The following LMX1A variants were observed in gnomAD, a reference collection of about 807,000 sequenced individuals.
The protein encoded by LMX1A is LIM homeobox transcription factor 1-alpha.
LMX1A carries 15 observed loss-of-function variants against 49.1 expected under a neutral mutation model. The ratio of observed to expected loss-of-function variants is 0.31; its 90% CI spans 0.20 to 0.47. The LOEUF is 0.47. LMX1A is among the 20% of genes least tolerant of loss of function. The pLI, the probability that LMX1A is intolerant of heterozygous loss-of-function variation, is 1.00. For missense variants in LMX1A, 372 were observed against 475.8 expected (o/e 0.78, Z 2.03); for synonymous variants, 167 against 185.7 (o/e 0.90, Z 0.82).
At chr1:165,266,496 C>G (rs1005143091) in intron 3 of LMX1A, among the ~76,000 whole-genome samples, 1 of 151,586 alleles carries the variant, frequency 6.6e-6, no homozygotes, top group African/African-American at 2.4e-5. Context: ...CCTTGTAAAT[C>G]ACAGGGAGGA....
intron 3 of LMX1A, among the ~76,000 whole-genome samples, chr1:165,303,130 G>C (rs1654824903): frequency 6.6e-6 from 1 of 152,206 alleles, no homozygotes; most frequent in African/African-American, 2.4e-5. Context: ...TGAGGAGAAA[G>C]ATAATGTATA....
intron 6 of LMX1A, among the ~76,000 whole-genome samples, chr1:165,208,778 G>A (rs199889176): frequency 6.6e-6 from 1 of 151,958 alleles, no homozygotes; most frequent in Admixed American, 6.6e-5. Context: ...TCCCGAGTAG[G>A]TGGGACTACA....
intron 3 of LMX1A, among the ~76,000 whole-genome samples, chr1:165,255,940 T>C (rs1653220289): frequency 2.0e-5 from 3 of 151,378 alleles, no homozygotes; most frequent in Admixed American, 2.0e-4. Context: ...ACCATTGCAC[T>C]CCAGCCTGGC....
At chr1:165,353,375 C>G in intron 2 of LMX1A, 113 bp from the exon 3 acceptor site, 1 of 833,042 alleles carries the variant, frequency 1.2e-6, no homozygotes, top group African/African-American at 1.7e-5. Flanking sequence ...CCAGCGCCCC[C>G]CACCCCAGGG....
At chr1:165,230,592 T>A (rs1344963924) in intron 4 of LMX1A, among the ~76,000 whole-genome samples, 1 of 152,218 alleles carries the variant, frequency 6.6e-6, no homozygotes, top group Non-Finnish European at 1.5e-5. Flanking sequence ...AATCTCTACA[T>A]GAATGTGGAT....
chr1:165,266,925 T>TTCTC (rs911901759), intron 3 of LMX1A, among the ~76,000 whole-genome samples: 1 of 150,446 alleles, frequency 6.6e-6, no homozygotes, highest in Non-Finnish European at 1.5e-5. Flanking sequence ...CTTGCTTGCT[T>TTCTC]TCTCTCTCTC....
chr1:165,252,214 T>C (rs1432597836), intron 3 of LMX1A, among the ~76,000 whole-genome samples: 1 of 152,230 alleles, frequency 6.6e-6, no homozygotes, highest in Non-Finnish European at 1.5e-5. Flanking sequence ...TAAAAGTTGA[T>C]ATTATTTGAC....
At chr1:165,230,331 C>T (rs1330061432) in intron 4 of LMX1A, among the ~76,000 whole-genome samples, 1 of 152,168 alleles carries the variant, frequency 6.6e-6, no homozygotes, top group Non-Finnish European at 1.5e-5. Context: ...ATAATGATTT[C>T]TGTCTAATTT....
At position 165,204,010 on chromosome 1, in the gene LMX1A, C is replaced by A. The variant is rs1245026528; in HGVS notation, c.1019G>T (p.Ser340Ile). The A allele has an allele frequency of 3.1e-6, 5 of 1,613,992 alleles. No individual in the cohort carries two copies. The African/African-American group carries it at 6.7e-5, about 22-fold the overall frequency. Residue 340 changes from serine (S) to isoleucine (I), a missense_variant, in exon 9 of 9, where the codon AGC becomes ATC. Transcript: ENST00000342310. ...CAGGTTACTGAGGGAGGTGTCGTCG[C>A]TATCCAGGTCATGGAAAAGGGGCTC... Reference protein sequence around the residue: ...GAEPLFHDLDSDDTSLSNLGD... With the variant: ...GAEPLFHDLDIDDTSLSNLGD...
chr1:165,208,215 C>T, intron 6 of LMX1A, 83 bp from the exon 7 acceptor site: 2 of 1,282,720 alleles, frequency 1.6e-6, no homozygotes, highest in Non-Finnish European at 2.2e-6. Flanking sequence ...GAAGTGACAC[C>T]TTCCCCGGGA....
intron 5 of LMX1A, 38 bp downstream of exon 5, chr1:165,213,603 G>A: frequency 6.3e-7 from 1 of 1,579,358 alleles, no homozygotes; most frequent in Non-Finnish European, 8.6e-7. Context: ...ACAGAGAAGT[G>A]GGGCCCAGCT....
chr1:165,214,199 T>C (rs889367405), intron 4 of LMX1A, among the ~76,000 whole-genome samples: 4 of 152,160 alleles, frequency 2.6e-5, no homozygotes, highest in Non-Finnish European at 1.5e-5. Flanking sequence ...ATGCTGATCT[T>C]GTGATAGTGA....
At chr1:165,313,671 G>A (rs1655140765) in intron 3 of LMX1A, among the ~76,000 whole-genome samples, 1 of 151,978 alleles carries the variant, frequency 6.6e-6, no homozygotes, top group Non-Finnish European at 1.5e-5. Context: ...CGAAGGAGCT[G>A]GGGGAATAAA....
At chr1:165,210,537 G>C (rs574574635) in intron 6 of LMX1A, 162 bp downstream of exon 6, 1 of 457,062 alleles carries the variant, frequency 2.2e-6, no homozygotes, top group African/African-American at 2.0e-5. Flanking sequence ...CTGCAGGGCT[G>C]CTGTGGCCAA....
At chr1:165,277,023 A>G (rs1653990443) in intron 3 of LMX1A, among the ~76,000 whole-genome samples, 1 of 152,258 alleles carries the variant, frequency 6.6e-6, no homozygotes, top group South Asian at 2.1e-4. Flanking sequence ...AATTATTAGC[A>G]GCTTCAAGAC....
At chr1:165,284,732 C>T (rs936719249) in intron 3 of LMX1A, among the ~76,000 whole-genome samples, 3 of 152,212 alleles carry the variant, frequency 2.0e-5, no homozygotes, top group Admixed American at 6.5e-5. Context: ...TTTGCCAACA[C>T]GGAAGTCCTT....
intron 3 of LMX1A, among the ~76,000 whole-genome samples, chr1:165,251,789 C>T (rs570151797): frequency 1.3e-5 from 2 of 152,194 alleles, no homozygotes; most frequent in South Asian, 2.1e-4. Context: ...TGATCTGTGC[C>T]CCCTAGCCTG....
rs1656581527 is a variant in LMX1A at position 165,355,599 on chromosome 1, C to G, written c.-22-18G>C. ...GGGAGGACCTGTAGAGGAGAAGAAA[C>G]GATGCGTCTGACGTCCGTGCCCGCT... On this transcript the variant is annotated intron_variant, in intron 1 of 8. Coordinates refer to ENST00000342310, the MANE Select transcript of LMX1A (RefSeq NM_177398.4). This position sits in a 1 kb window ranked among gnomAD's most constrained non-coding sequence, Gnocchi z 4.7. 1.9e-6 allele frequency: 3 copies of G among 1,594,710 alleles called. No homozygotes were observed. The highest frequency in any genetic ancestry group is 4.5e-5 in the East Asian group (2 of 44,570).
intron 4 of LMX1A, among the ~76,000 whole-genome samples, chr1:165,242,945 AAAC>A (rs1440218505): frequency 1.0e-4 from 15 of 149,430 alleles, no homozygotes; most frequent in East Asian, 9.8e-4. Flanking sequence ...AAAAAAAAAA[AAAC>A]AAAACAAAAA....
Sources: gnomAD v4.1 joint callset for allele counts (sites outside exome capture counted in the v4.1 genomes callset) on GRCh38, gnomAD v4.1.1 for gene constraint, Gnocchi (gnomAD v3.1) non-coding constraint, MANE v1.5 for transcripts, NCBI Gene and HGNC (gene_info 2026-07-23, HGNC 2026-07-21) for gene names.